The following BAZ2B variants were observed in gnomAD, a reference collection of about 807,000 sequenced individuals.
BAZ2B encodes bromodomain adjacent to zinc finger domain 2B, also known as bromodomain adjacent to zinc finger domain protein 2B.
BAZ2B carries 91 observed loss-of-function variants against 246.0 expected under a neutral mutation model. The observed-to-expected ratio is 0.37, with a 90% CI of 0.31 to 0.44. The LOEUF (loss-of-function observed/expected upper bound fraction) is 0.44. Among genes scored for constraint, BAZ2B ranks in the 20% least tolerant of loss-of-function variants. The pLI is 1.00. For synonymous variants in BAZ2B, 855 were observed against 860.0 expected (o/e 0.99, Z 0.10); for missense variants, 2,332 against 2,533.7 (o/e 0.92, Z 1.71).
At chr2:159,575,836 G>T (rs972692756) in intron 1 of BAZ2B, among the ~76,000 whole-genome samples, 1 of 152,060 alleles carries the variant, frequency 6.6e-6, no homozygotes, top group Non-Finnish European at 1.5e-5. Context: ...TAACATGATT[G>T]AATATGAAAT....
chr2:159,630,807 T>A, the BAZ2B span, among the ~76,000 whole-genome samples: 2 of 151,948 alleles, frequency 1.3e-5, no homozygotes, highest in African/African-American at 4.8e-5. Context: ...GTGCTGGGAT[T>A]ACAGGCGTGA....
chr2:159,428,405 GTC>G lies in BAZ2B; in HGVS notation c.2268_2269del (p.Glu756AspfsTer25). 6.2e-7 allele frequency: 1 copy of G among 1,612,456 alleles called. No homozygotes were observed. Among genetic ancestry groups the G allele is most frequent in the Non-Finnish European group, 8.5e-7 (1 of 1,179,174 alleles). Reference sequence around the variant, plus strand: ...GCGCCCTCCAAAGTTTCTTATTCTTGTCTCTCTCTGCCAGCTACACATAACAG... The same window carrying G: ...GCGCCCTCCAAAGTTTCTTATTCTTGTCTCTCTGCCAGCTACACATAACAG... On this transcript the variant is annotated frameshift_variant, in exon 12 of 37. Coordinates refer to ENST00000392783, the MANE Select transcript of BAZ2B (RefSeq NM_013450.4). LOFTEE classifies it high-confidence loss of function.
intron 3 of BAZ2B, among the ~76,000 whole-genome samples, chr2:159,454,712 A>AT (rs1279020852): frequency 6.6e-6 from 1 of 151,658 alleles, no homozygotes; most frequent in African/African-American, 2.4e-5. Flanking sequence ...CTAGTCTAAT[A>AT]AAACAATGCA....
intron 3 of BAZ2B, among the ~76,000 whole-genome samples, chr2:159,471,746 A>G (rs990183201): frequency 6.6e-6 from 1 of 152,234 alleles, no homozygotes; most frequent in Non-Finnish European, 1.5e-5. Flanking sequence ...AGTCCTTTAT[A>G]ATCTTTAATA....
At chr2:159,661,048 T>A in the BAZ2B span, among the ~76,000 whole-genome samples, 3 of 152,260 alleles carry the variant, frequency 2.0e-5, no homozygotes, top group South Asian at 6.2e-4. Context: ...TATCCATCAC[T>A]CCAAAAAGTT....
intron 33 of BAZ2B, among the ~76,000 whole-genome samples, chr2:159,335,645 A>C (rs1046347522): frequency 2.6e-5 from 4 of 152,148 alleles, no homozygotes; most frequent in Admixed American, 6.5e-5. Flanking sequence ...ATGTTTTAGG[A>C]AGCAGTGAAA....
At chr2:159,417,209 G>T in intron 13 of BAZ2B, among the ~76,000 whole-genome samples, 1 of 143,760 alleles carries the variant, frequency 7.0e-6, no homozygotes, top group African/African-American at 2.6e-5. Context: ...CTCACTCTGT[G>T]GCCTAAGCTG....
intron 2 of BAZ2B, among the ~76,000 whole-genome samples, chr2:159,523,172 A>G (rs2084326446): frequency 6.6e-6 from 1 of 151,410 alleles, no homozygotes; most frequent in African/African-American, 2.4e-5. Flanking sequence ...GGAGGCTGAG[A>G]TGGGAGAATC....
intron 1 of BAZ2B, among the ~76,000 whole-genome samples, chr2:159,579,493 G>A (rs866793265): frequency 1.3e-4 from 20 of 152,146 alleles, no homozygotes; most frequent in African/African-American, 2.9e-4. Flanking sequence ...TTCTACCAGC[G>A]GTACAAAGAG....
the BAZ2B span, among the ~76,000 whole-genome samples, chr2:159,635,412 CG>C: frequency 1.3e-5 from 2 of 151,876 alleles, no homozygotes; most frequent in Admixed American, 1.3e-4. Context: ...CTCCATAAAT[CG>C]ATTCCTCTAC....
chr2:159,618,595 G>A (rs550045598), upstream of BAZ2B, among the ~76,000 whole-genome samples: 1 of 152,078 alleles, frequency 6.6e-6, no homozygotes, highest in African/African-American at 2.4e-5. Flanking sequence ...TATAATGGTG[G>A]TCATTAAATA....
chr2:159,348,181 G>C lies in BAZ2B; in HGVS notation c.5293+497C>G, dbSNP rs574817495. On this transcript the variant is annotated intron_variant, in intron 30 of 36. Transcript: ENST00000392783. ...AAAAAATAAAAAAAACTAGCTGGGT[G>C]TGGGGGCATGTGCCTGTAGTCCCAG... Among the ~76,000 whole-genome samples, 4 of 151,770 alleles carry C rather than the reference G, an allele frequency of 2.6e-5. No individual in the cohort carries two copies. The East Asian group carries it at 7.7e-4, about 29-fold the overall frequency.
chr2:159,520,318 C>T lies in BAZ2B; in HGVS notation c.-3+35505G>A, dbSNP rs201581087. ...ATGTCCTCCTGCCTCCCAGATTATGCTTATGTTGTTTCATATCTCTTCTCC... is the reference window on the plus strand; with the variant it reads ...ATGTCCTCCTGCCTCCCAGATTATGTTTATGTTGTTTCATATCTCTTCTCC... On this transcript the variant is annotated intron_variant, in intron 2 of 36. Coordinates refer to ENST00000392783, the MANE Select transcript of BAZ2B (RefSeq NM_013450.4). Among the ~76,000 whole-genome samples, 13 of 152,222 alleles carry T rather than the reference C, an allele frequency of 8.5e-5. No individual in the cohort carries two copies. The East Asian group carries it at 2.1e-3, about 25-fold the overall frequency.
At chr2:159,461,129 A>G (rs1384128683) in intron 3 of BAZ2B, 1 of 152,470 alleles carries the variant, frequency 6.6e-6, no homozygotes, top group Non-Finnish European at 1.5e-5. Context: ...TGAAGCACAA[A>G]CACGTTTTTT....
At chr2:159,330,841 A>C (rs961937537) in intron 34 of BAZ2B, among the ~76,000 whole-genome samples, 2 of 152,168 alleles carry the variant, frequency 1.3e-5, no homozygotes, top group African/African-American at 4.8e-5. Flanking sequence ...CCAAGGCAAC[A>C]GATCAAGATT....
At chr2:159,565,205 G>A (rs553687190) in intron 1 of BAZ2B, among the ~76,000 whole-genome samples, 5 of 152,232 alleles carry the variant, frequency 3.3e-5, no homozygotes, top group African/African-American at 1.2e-4. Context: ...TGACAAGAAT[G>A]TTGTCAGTGA....
chr2:159,503,582 T>C (rs1481463570), intron 2 of BAZ2B, among the ~76,000 whole-genome samples: 1 of 152,196 alleles, frequency 6.6e-6, no homozygotes, highest in Non-Finnish European at 1.5e-5. Context: ...CTTTTTTATT[T>C]ATTTATTTAT....
intron 27 of BAZ2B, among the ~76,000 whole-genome samples, chr2:159,368,928 A>C (rs1301307430): frequency 9.2e-5 from 14 of 151,612 alleles, no homozygotes; most frequent in Admixed American, 9.2e-4. Context: ...AAAGACATTA[A>C]ATTATTTATT....
chr2:159,574,218 A>C (rs974218374), intron 1 of BAZ2B, among the ~76,000 whole-genome samples: 5 of 152,270 alleles, frequency 3.3e-5, no homozygotes, highest in African/African-American at 1.2e-4. Context: ...ATATTTTATC[A>C]AAAGAAGATA....
Sources: gnomAD v4.1 joint callset for allele counts (sites outside exome capture counted in the v4.1 genomes callset) on GRCh38, gnomAD v4.1.1 for gene constraint, MANE v1.5 for transcripts, NCBI Gene and HGNC (gene_info 2026-07-23, HGNC 2026-07-21) for gene names.